Variants in ASCC1 observed in about 807,000 individuals in gnomAD.
The protein encoded by ASCC1 is ASC-1 complex subunit P50.
A neutral mutation model predicts 46.6 loss-of-function variants in ASCC1; 35 were observed. That is an observed-to-expected ratio of 0.75 (90% CI 0.57 to 0.99). The LOEUF (loss-of-function observed/expected upper bound fraction) is 0.99. Ranked by LOEUF, ASCC1 falls within the 50% of genes least tolerant of loss-of-function variation. The pLI, the probability that ASCC1 is intolerant of heterozygous loss-of-function variation, is 0.00. For missense variants in ASCC1, 376 were observed against 428.7 expected, an observed-to-expected ratio of 0.88 and a Z score of 1.09; for synonymous variants, 143 against 146.6, an observed-to-expected ratio of 0.98 and a Z score of 0.18.
At chr10:72,117,280 A>G (rs1243763221) in intron 9 of ASCC1, among the ~76,000 whole-genome samples, 2 of 152,116 alleles carry the variant, frequency 1.3e-5, no homozygotes, top group African/African-American at 2.4e-5. Flanking sequence ...TTGACTGTGT[A>G]TTGGCCACTT....
intron 9 of ASCC1, among the ~76,000 whole-genome samples, chr10:72,117,337 G>A (rs1399498298): frequency 1.3e-5 from 2 of 152,100 alleles, no homozygotes; most frequent in Non-Finnish European, 2.9e-5. Context: ...AGAGGGTGAT[G>A]GTACCTTCTT....
chr10:72,114,558 G>A (rs1175040962), intron 9 of ASCC1, among the ~76,000 whole-genome samples: 5 of 150,844 alleles, frequency 3.3e-5, no homozygotes, highest in Non-Finnish European at 5.9e-5. Flanking sequence ...CCGGGAGGCG[G>A]AGCATGCAGT....
intron 6 of ASCC1, among the ~76,000 whole-genome samples, chr10:72,154,138 TCAGTTA>T (rs1848685141): frequency 1.3e-5 from 2 of 152,334 alleles, no homozygotes; most frequent in South Asian, 4.1e-4. Context: ...AATTTTGAAT[TCAGTTA>T]CACATCAACT....
intron 5 of ASCC1, among the ~76,000 whole-genome samples, chr10:72,195,045 ATTATG>A (rs895761759): frequency 2.7e-5 from 4 of 149,840 alleles, no homozygotes; most frequent in African/African-American, 9.9e-5. Context: ...CCCGGCCCAG[ATTATG>A]TTATTTTAGT....
chr10:72,213,227 C>T lies in ASCC1; in HGVS notation c.72G>A (p.Gln24=), dbSNP rs149662418. ...CTTCATCTTCTTCATGTTGATAGGT[C>T]TGTTCTTGGACTGGATTCTTCCTGT... ...RNYRKNPVQE[Q]TYQHEEDEED... The change falls in exon 2 of 10, where the codon CAG becomes CAA. Residue 24 remains glutamine (Q), a synonymous_variant. Coordinates refer to ENST00000672957, the MANE Select transcript of ASCC1 (RefSeq NM_001198800.3). 3 of 1,613,810 alleles carry T rather than the reference C, an allele frequency of 1.9e-6. No individual in the cohort carries two copies. The African/African-American group carries it at 4.0e-5, about 22-fold the overall frequency.
Position 72,156,889 on chromosome 10 carries a change from G to A in ASCC1, c.627-3901C>T, listed in dbSNP as rs191969194. Among the ~76,000 whole-genome samples, 61 of 152,140 alleles carry A rather than the reference G, an allele frequency of 4.0e-4. No individual in the cohort carries two copies. In the East Asian group the frequency reaches 6.4e-3, roughly 16 times the overall value. ...TCATGGGGATGCTCTTTGTAGCCTA[G>A]GAATCCTAGTAGTAAAGATTCCCTT... On this transcript the variant is annotated intron_variant, in intron 6 of 9. Coordinates refer to ENST00000672957, the MANE Select transcript of ASCC1 (RefSeq NM_001198800.3).
intron 9 of ASCC1, among the ~76,000 whole-genome samples, chr10:72,124,780 G>A (rs1844655789): frequency 6.7e-6 from 1 of 148,926 alleles, no homozygotes; most frequent in East Asian, 2.0e-4. Context: ...ACTCTCTGAG[G>A]GGACACCATC....
chr10:72,132,949 A>T, intron 8 of ASCC1, 108 bp downstream of exon 8: 1 of 1,451,068 alleles, frequency 6.9e-7, no homozygotes, highest in Non-Finnish European at 9.6e-7. Flanking sequence ...AAGAGGTCTA[A>T]AAAAGAAGCT....
At chr10:72,192,504 G>C (rs1854689491) in intron 5 of ASCC1, among the ~76,000 whole-genome samples, 1 of 151,024 alleles carries the variant, frequency 6.6e-6, no homozygotes, top group Non-Finnish European at 1.5e-5. Context: ...CCCAATTGTT[G>C]TTGTTTGTTG....
intron 5 of ASCC1, among the ~76,000 whole-genome samples, chr10:72,179,831 A>G: frequency 6.6e-6 from 1 of 152,222 alleles, no homozygotes. Context: ...AGGCTAATTT[A>G]CAATATTATA....
In ASCC1 at chr10:72,153,008, A is replaced by G; in HGVS notation, c.627-20T>C. 6.2e-7 allele frequency: 1 copy of G among 1,613,914 alleles called. No individual in the cohort carries two copies. Among genetic ancestry groups the G allele is most frequent in the Non-Finnish European group, 8.5e-7 (1 of 1,179,924 alleles). On this transcript the variant is annotated intron_variant, in intron 6 of 9. Coordinates refer to ENST00000672957, the MANE Select transcript of ASCC1 (RefSeq NM_001198800.3). ...ATATCACTGCAAAGGAAAAAGCATTAAGATATCTATAACTGTTTAAGCTAA... is the reference window on the plus strand; with the variant it reads ...ATATCACTGCAAAGGAAAAAGCATTGAGATATCTATAACTGTTTAAGCTAA...
At chr10:72,123,191 T>C (rs1370039239) in intron 9 of ASCC1, among the ~76,000 whole-genome samples, 1 of 151,784 alleles carries the variant, frequency 6.6e-6, no homozygotes, top group Non-Finnish European at 1.5e-5. Flanking sequence ...CAAAAAAAAT[T>C]AGCCAGGCAT....
At chr10:72,143,458 C>G (rs942595415) in intron 7 of ASCC1, among the ~76,000 whole-genome samples, 2 of 151,654 alleles carry the variant, frequency 1.3e-5, no homozygotes, top group Admixed American at 6.6e-5. Flanking sequence ...CAGTCTCAGC[C>G]TCTCAAGTAG....
intron 5 of ASCC1, among the ~76,000 whole-genome samples, chr10:72,175,549 T>C (rs1851759800): frequency 6.6e-6 from 1 of 152,244 alleles, no homozygotes. Flanking sequence ...TTCTCCTGGC[T>C]TATAAATTCT....
At position 72,215,868 on chromosome 10, in the gene ASCC1, G is replaced by A. The variant is rs1219991789; in HGVS notation, c.-34+339C>T. 2.6e-5 allele frequency: 4 copies of A among 152,560 alleles called. No homozygotes were observed. In the East Asian group the frequency reaches 5.8e-4, roughly 22 times the overall value. The allele number at this position is 152,560 out of a possible 1,614,324, so 9.5% of individuals were successfully genotyped here. A position where few individuals can be genotyped will look rare whatever the true frequency, so the allele number is the denominator to read the frequency against. On this transcript the variant is annotated intron_variant, in intron 1 of 9. Transcript: ENST00000672957. ...GAAGCCGAGGCCCTGAATCATCAAA[G>A]AGAAGGAGAAGAGGACTAGGCGGCT...
upstream of ASCC1, chr10:72,216,985 A>G: frequency 2.2e-6 from 1 of 455,618 alleles, no homozygotes; most frequent in South Asian, 1.5e-5. Flanking sequence ...CTCATGACAC[A>G]GCGCTTCTCT....
In ASCC1 at chr10:72,160,781, TA is replaced by T. The variant is rs568875489; in HGVS notation, c.626+756del. ...CTGAATCAAATAAAATTATTTGTATTAAAAAAAAAAAAAAAAAAGAGGCCGG... is the reference window on the plus strand; with the variant it reads ...CTGAATCAAATAAAATTATTTGTATTAAAAAAAAAAAAAAAAAGAGGCCGG... On this transcript the variant is annotated intron_variant, in intron 6 of 9. Transcript: ENST00000672957. 9.4e-3 allele frequency among the ~76,000 whole-genome samples: 1,248 copies of T among 132,242 alleles called. 5 individuals carry two copies. Among genetic ancestry groups the T allele is most frequent in the Non-Finnish European group, 0.011 (669 of 60,442 alleles). 86.8% of individuals were successfully genotyped at this position (132,242 alleles called of 152,430 possible).
At chr10:72,103,392 A>G (rs945526952) in intron 9 of ASCC1, among the ~76,000 whole-genome samples, 6 of 152,014 alleles carry the variant, frequency 3.9e-5, no homozygotes, top group Admixed American at 3.9e-4. Flanking sequence ...TCAGCCTCCC[A>G]AAGTGCTGGG....
intron 7 of ASCC1, among the ~76,000 whole-genome samples, chr10:72,142,140 T>G (rs1163595437): frequency 2.0e-5 from 3 of 152,196 alleles, no homozygotes; most frequent in African/African-American, 7.2e-5. Flanking sequence ...TCTATTTTTA[T>G]TTTTTGAAAG....
Sources: gnomAD v4.1 joint callset for allele counts (sites outside exome capture counted in the v4.1 genomes callset) on GRCh38, gnomAD v4.1.1 for gene constraint, MANE v1.5 for transcripts, NCBI Gene and HGNC (gene_info 2026-07-23, HGNC 2026-07-21) for gene names.